CHRM5: variants seen among roughly 807,000 people sequenced by gnomAD.
CHRM5 encodes the protein muscarinic acetylcholine receptor M5.
A neutral mutation model predicts 39.0 loss-of-function variants in CHRM5; 18 were observed. That is an observed-to-expected ratio of 0.46 (90% CI 0.32 to 0.68). CHRM5 has a LOEUF of 0.68. Among genes scored for constraint, CHRM5 ranks in the 30% least tolerant of loss-of-function variants. CHRM5 has a pLI of 0.04. For synonymous variants in CHRM5, 241 were observed against 246.3 expected (o/e 0.98, Z 0.20); for missense variants, 515 against 651.1 (o/e 0.79, Z 2.28).
At chr15:34,039,907 C>T (rs1276686087) in intron 1 of CHRM5, among the ~76,000 whole-genome samples, 1 of 152,118 alleles carries the variant, frequency 6.6e-6, no homozygotes, top group Non-Finnish European at 1.5e-5. Context: ...TCACTCCAGT[C>T]CCTTCTTTCA....
Position 34,045,190 on chromosome 15 carries a change from T to A in CHRM5, c.-407-1350T>A, listed in dbSNP as rs1392785366. On this transcript the variant is annotated intron_variant, in intron 1 of 2. Coordinates refer to ENST00000383263, the MANE Select transcript of CHRM5 (RefSeq NM_012125.4). ...AGCTATAAAGATGAACTCTTTCAGT[T>A]CAAGGACTATCGTATATCTCTTTTA... Among the ~76,000 whole-genome samples, 5 of 152,248 alleles carry A rather than the reference T, an allele frequency of 3.3e-5. No individual in the cohort carries two copies. The East Asian group carries it at 5.8e-4, about 18-fold the overall frequency.
intron 1 of CHRM5, among the ~76,000 whole-genome samples, chr15:33,994,676 G>C (rs1249673501): frequency 6.6e-6 from 1 of 152,280 alleles, no homozygotes; most frequent in East Asian, 1.9e-4. Flanking sequence ...TATACATACA[G>C]TGTGTGTGAA....
chr15:34,018,852 G>C (rs938631327), intron 1 of CHRM5, among the ~76,000 whole-genome samples: 1 of 128,550 alleles, frequency 7.8e-6, no homozygotes, highest in South Asian at 2.5e-4. Context: ...CATTTTTACA[G>C]AGTGCTGATC....
rs1268974335 is a variant in CHRM5 at position 34,035,948 on chromosome 15, G to A, written c.-407-10592G>A. ...GTAGCAGGGACTACAGATGCACCCCGCCATGCTCGGCAGTTTTGTATTTTT... is the reference window on the plus strand; with the variant it reads ...GTAGCAGGGACTACAGATGCACCCCACCATGCTCGGCAGTTTTGTATTTTT... On this transcript the variant is annotated intron_variant, in intron 1 of 2. Transcript: ENST00000383263. 5.3e-5 allele frequency among the ~76,000 whole-genome samples: 8 copies of A among 151,944 alleles called. No individual in the cohort carries two copies. The East Asian group carries it at 1.2e-3, about 22-fold the overall frequency.
intron 2 of CHRM5, among the ~76,000 whole-genome samples, chr15:34,054,417 T>C (rs1900052199): frequency 6.6e-6 from 1 of 152,094 alleles, no homozygotes; most frequent in South Asian, 2.1e-4. Flanking sequence ...AGCAAAGACA[T>C]AGAATCAATC....
intron 1 of CHRM5, among the ~76,000 whole-genome samples, chr15:34,004,738 T>C (rs1419270779): frequency 6.6e-6 from 1 of 152,190 alleles, no homozygotes; most frequent in Non-Finnish European, 1.5e-5. Flanking sequence ...AATTGGTAAT[T>C]GCTGAAGCTG....
chr15:34,012,122 C>T (rs1254785961), intron 1 of CHRM5, among the ~76,000 whole-genome samples: 1 of 152,168 alleles, frequency 6.6e-6, no homozygotes, highest in African/African-American at 2.4e-5. Context: ...TTGCAAGTCC[C>T]AACTCCCAGG....
chr15:33,987,174 A>G lies in CHRM5; in HGVS notation c.-408+18024A>G, dbSNP rs912828943. ...CAGTATTCTCACAACAAATTATGTG[A>G]GGATATTCTTTCCATCCCACTCCAC... On this transcript the variant is annotated intron_variant, in intron 1 of 2. Transcript: ENST00000383263. 2.6e-5 allele frequency among the ~76,000 whole-genome samples: 4 copies of G among 152,338 alleles called. No homozygotes were observed. The East Asian group carries it at 5.8e-4, about 22-fold the overall frequency.
chr15:34,033,287 C>A (rs532258092), intron 1 of CHRM5, among the ~76,000 whole-genome samples: 1 of 152,228 alleles, frequency 6.6e-6, no homozygotes, highest in Non-Finnish European at 1.5e-5. Flanking sequence ...GGGCGGACTG[C>A]CTGACCTCAG....
intron 1 of CHRM5, chr15:34,018,399 C>T (rs7162140): frequency 0.15 from 22,572 of 151,980 alleles, 2,088 homozygotes; most frequent in Middle Eastern, 0.28. Context: ...TCAGATGTGT[C>T]GAGTTTCTTC....
intron 2 of CHRM5, among the ~76,000 whole-genome samples, chr15:34,056,206 A>T (rs888532662): frequency 1.3e-5 from 2 of 152,234 alleles, no homozygotes; most frequent in Admixed American, 6.5e-5. Flanking sequence ...CTATAAGAAG[A>T]GCCTGAAAGC....
At chr15:33,974,968 A>G (rs554293) in intron 1 of CHRM5, among the ~76,000 whole-genome samples, 129,563 of 152,204 alleles carry the variant, frequency 0.85, 57,916 homozygotes, top group Non-Finnish European at 0.98. Flanking sequence ...GCGAAACTCT[A>G]TCCTGAAGGA....
intron 1 of CHRM5, among the ~76,000 whole-genome samples, chr15:33,990,422 T>C (rs1324385412): frequency 6.6e-6 from 1 of 152,048 alleles, no homozygotes; most frequent in Non-Finnish European, 1.5e-5. Flanking sequence ...CCCAGATGAT[T>C]TGATGATGCA....
rs1438125586 is a variant in CHRM5 at position 34,039,196 on chromosome 15, G to T, written c.-407-7344G>T. ...GGGTGCGGGGCTAGGGATCGAGGCC[G>T]GCCGCAGCGGAGCGGGGCGGGGCGG... On this transcript the variant is annotated intron_variant, in intron 1 of 2. Transcript: ENST00000383263. The T allele has an allele frequency of 1.4e-5, 9 of 635,264 alleles. 1 individual carries two copies. The East Asian group carries it at 3.5e-4, about 25-fold the overall frequency. 39.4% of individuals were successfully genotyped at this position (635,264 alleles called of 1,614,324 possible). A position where few individuals can be genotyped will look rare whatever the true frequency, so the allele number is the denominator to read the frequency against.
chr15:34,040,719 G>C (rs1353374309), intron 1 of CHRM5, among the ~76,000 whole-genome samples: 3 of 151,898 alleles, frequency 2.0e-5, no homozygotes, highest in Non-Finnish European at 4.4e-5. Flanking sequence ...CCTGAGACAT[G>C]AGTTCAAGAT....
rs1281393384 is a variant in CHRM5, at chr15:34,063,822, C to T, written c.1105C>T (p.His369Tyr). 6.2e-7 allele frequency: 1 copy of T among 1,614,050 alleles called. No homozygotes were observed. Among genetic ancestry groups the T allele is most frequent in the African/African-American group, 1.3e-5 (1 of 74,914 alleles). Reference protein sequence around the residue: ...PNYLLSPAAAHRPKSQKCVAY... With the variant: ...PNYLLSPAAAYRPKSQKCVAY... ...CTACCTTCTGTCTCCAGCAGCTGCTCATAGACCCAAGAGTCAGAAATGTGT... is the reference window on the plus strand; with the variant it reads ...CTACCTTCTGTCTCCAGCAGCTGCTTATAGACCCAAGAGTCAGAAATGTGT... Residue 369 changes from histidine to tyrosine, a missense_variant, in exon 3 of 3, where the codon CAT becomes TAT. His to Tyr is a moderately conservative substitution (Grantham distance 83). Coordinates refer to ENST00000383263, the MANE Select transcript of CHRM5 (RefSeq NM_012125.4). The surrounding 1 kb of genome is among the most constrained non-coding windows in gnomAD (Gnocchi z 4.1).
chr15:34,022,324 T>C (rs1263583203), intron 1 of CHRM5, among the ~76,000 whole-genome samples: 1 of 152,224 alleles, frequency 6.6e-6, no homozygotes, highest in Non-Finnish European at 1.5e-5. Context: ...CAAGACAGAA[T>C]ACTACTATAA....
chr15:34,039,975 T>C (rs1899397325), intron 1 of CHRM5, among the ~76,000 whole-genome samples: 1 of 152,196 alleles, frequency 6.6e-6, no homozygotes, highest in Non-Finnish European at 1.5e-5. Context: ...AAAGCAGTTT[T>C]TAACTTGGGA....
Position 33,983,156 on chromosome 15 carries a change from G to A in CHRM5, c.-408+14006G>A, listed in dbSNP as rs931517505. On this transcript the variant is annotated intron_variant, in intron 1 of 2. Transcript: ENST00000383263. ...TGTGTGTGTGTGTGTGTGTGTGTGT[G>A]TGTATGTGTGTGTGTATATATACAC... 1.0e-3 allele frequency among the ~76,000 whole-genome samples: 105 copies of A among 102,410 alleles called. 1 individual carries two copies. The highest frequency in any genetic ancestry group is 5.2e-3 in the Middle Eastern group (1 of 192). 67.2% of individuals were successfully genotyped at this position (102,410 alleles called of 152,430 possible). A position where few individuals can be genotyped will look rare whatever the true frequency, so the allele number is the denominator to read the frequency against.
Sources: allele counts gnomAD v4.1 joint callset (sites outside exome capture counted in the v4.1 genomes callset), GRCh38; gene constraint gnomAD v4.1.1; non-coding constraint Gnocchi (gnomAD v3.1); transcripts MANE v1.5; gene names NCBI Gene and HGNC (gene_info 2026-07-23, HGNC 2026-07-21).